The following RGS12 variants were observed in gnomAD, a reference collection of about 807,000 sequenced individuals.
RGS12 encodes regulator of G-protein signaling 12.
A neutral mutation model predicts 120.1 loss-of-function variants in RGS12; 66 were observed. That is an observed-to-expected ratio of 0.55 (90% CI 0.45 to 0.67). The LOEUF (loss-of-function observed/expected upper bound fraction) is 0.67, where lower values mean the gene tolerates loss of function less well. RGS12 is among the 30% of genes least tolerant of loss of function. The pLI is 0.00. For synonymous variants in RGS12, 827 were observed against 804.7 expected, an observed-to-expected ratio of 1.03 and a Z score of -0.47; for missense variants, 1,859 against 1,957.7, an observed-to-expected ratio of 0.95 and a Z score of 0.95.
At chr4:3,377,810 G>C (rs1189425858) in intron 3 of RGS12, among the ~76,000 whole-genome samples, 1 of 152,186 alleles carries the variant, frequency 6.6e-6, no homozygotes, top group Admixed American at 6.5e-5. Context: ...GAGGAGCAGA[G>C]GTTGTGTGGA....
chr4:3,350,694 AAC>A (rs201186060), intron 3 of RGS12, among the ~76,000 whole-genome samples: 2,770 of 152,112 alleles, frequency 0.018, 65 homozygotes, highest in African/African-American at 0.059. Flanking sequence ...AAAAACAAAA[AAC>A]AAAAAAAACA....
Position 3,389,270 on chromosome 4 carries a change from AG to A in RGS12, c.2020+2836del, listed in dbSNP as rs939173173. Among the ~76,000 whole-genome samples, 2 of 152,052 alleles carry A rather than the reference AG, an allele frequency of 1.3e-5. No homozygotes were observed. Among genetic ancestry groups the A allele is most frequent in the Non-Finnish European group, 2.9e-5 (2 of 67,998 alleles). Reference sequence around the variant, plus strand: ...TAGCCAAAGAGTGCCCTCGGGAAAAAGGGTTACAGCTGGTCTCTGGGGGGCA... The same window carrying A: ...TAGCCAAAGAGTGCCCTCGGGAAAAAGGTTACAGCTGGTCTCTGGGGGGCA... On this transcript the variant is annotated intron_variant, in intron 4 of 17. Transcript: ENST00000336727. The surrounding 1 kb of genome is among the most constrained non-coding windows in gnomAD (Gnocchi z 5.2).
Position 3,316,818 on chromosome 4 carries a change from T to C in RGS12, c.648T>C (p.His216=). 1.2e-6 allele frequency: 2 copies of C among 1,614,170 alleles called. No individual in the cohort carries two copies. Among genetic ancestry groups the C allele is most frequent in the African/African-American group, 1.3e-5 (1 of 75,060 alleles). Residue 216 remains histidine, a synonymous_variant, in exon 2 of 18, where the codon CAT becomes CAC. Coordinates refer to ENST00000336727, the MANE Select transcript of RGS12 (RefSeq NM_001394154.1). ...DSVFSIGLES[H]DDFALDASIL... The stretch of plus-strand genomic sequence containing the variant: ...TTTTCAGCATTGGACTAGAAAGTCA[T>C]GACGATTTTGCATTGGATGCAAGTA...
chr4:3,316,383 CGTGAAAAAA>C lies in RGS12; in HGVS notation c.215_223del (p.Val72_Lys74del). The C allele has an allele frequency of 6.2e-7, 1 of 1,613,802 alleles. No individual in the cohort carries two copies. The highest frequency in any genetic ancestry group is 8.5e-7 in the Non-Finnish European group (1 of 1,179,852). ...AGATACTTGCTGTCAATGAAATCAA[CGTGAAAAAA>C]GCATCTCATGAAGATGTAGTGAAAT... On this transcript the variant is annotated inframe_deletion, in exon 2 of 18. Transcript: ENST00000336727.
intron 4 of RGS12, among the ~76,000 whole-genome samples, chr4:3,392,566 T>C (rs1223883612): frequency 1.3e-5 from 2 of 152,242 alleles, no homozygotes; most frequent in Non-Finnish European, 2.9e-5. Context: ...GATATACAGC[T>C]CATTCCCTCC....
intron 4 of RGS12, among the ~76,000 whole-genome samples, chr4:3,401,620 T>A (rs1720595238): frequency 6.6e-6 from 1 of 152,156 alleles, no homozygotes; most frequent in Non-Finnish European, 1.5e-5. Context: ...TCTTGCCCAG[T>A]GAGGAAGGAG....
chr4:3,410,698 A>G (rs375810504), intron 4 of RGS12, among the ~76,000 whole-genome samples: 3 of 152,218 alleles, frequency 2.0e-5, no homozygotes, highest in African/African-American at 4.8e-5. Context: ...CTTCACTGCC[A>G]TCGTGATCTT....
chr4:3,394,824 C>T (rs947821789), intron 4 of RGS12, among the ~76,000 whole-genome samples: 1 of 152,018 alleles, frequency 6.6e-6, no homozygotes, highest in African/African-American at 2.4e-5. Flanking sequence ...GTCACCAGCT[C>T]CGGAAGGGAC....
intron 4 of RGS12, among the ~76,000 whole-genome samples, chr4:3,394,723 G>A (rs1310686772): frequency 6.6e-6 from 1 of 152,182 alleles, no homozygotes; most frequent in East Asian, 1.9e-4. Context: ...CAATTTGAGA[G>A]ATTTTCACAG....
rs1392864564 is a variant in RGS12, at chr4:3,306,807, C to CT, written c.-101-9261dup. ...GCTGGTGGGTGGGAACAACACAGCT[C>CT]TTGCCTTGTGAACCCGGCAAGTAGC... On this transcript the variant is annotated intron_variant, in intron 1 of 17. Transcript: ENST00000336727. Among the ~76,000 whole-genome samples, 3 of 152,044 alleles carry CT rather than the reference C, an allele frequency of 2.0e-5. No individual in the cohort carries two copies. In the East Asian group the frequency reaches 5.8e-4, roughly 30 times the overall value.
chr4:3,352,374 G>C (rs1230720196), intron 3 of RGS12, among the ~76,000 whole-genome samples: 1 of 152,150 alleles, frequency 6.6e-6, no homozygotes, highest in Non-Finnish European at 1.5e-5. Flanking sequence ...GCTCAGTTGA[G>C]TGCCTCATAC....
At chr4:3,294,968 C>T (rs1261778183) in intron 1 of RGS12, among the ~76,000 whole-genome samples, 1 of 152,056 alleles carries the variant, frequency 6.6e-6, no homozygotes, top group Non-Finnish European at 1.5e-5. Context: ...AGGGCATGTC[C>T]TGGGGAGGGT....
intron 1 of RGS12, 128 bp from the exon 2 acceptor site, chr4:3,315,942 A>G (rs1302615575): frequency 1.6e-5 from 7 of 441,256 alleles, no homozygotes; most frequent in East Asian, 6.9e-5. Flanking sequence ...TTTATTATCT[A>G]TAGACACTTA....
In RGS12 at chr4:3,417,366, C is replaced by T. The variant is rs16844311; in HGVS notation, c.2608-22C>T. Reference sequence around the variant, plus strand: ...TAAAATAACTTCACATTGTTTTAACCAAGGTTTCCATTTGATGACAGTTAA... The same window carrying T: ...TAAAATAACTTCACATTGTTTTAACTAAGGTTTCCATTTGATGACAGTTAA... On this transcript the variant is annotated intron_variant, in intron 8 of 17. Transcript: ENST00000336727. The T allele has an allele frequency of 2.4e-3, 3,692 of 1,553,290 alleles. 77 individuals carry two copies. In the Admixed American group the frequency reaches 0.028, roughly 12 times the overall value.
chr4:3,381,036 C>G (rs1718209417), intron 3 of RGS12, among the ~76,000 whole-genome samples: 1 of 152,210 alleles, frequency 6.6e-6, no homozygotes, highest in African/African-American at 2.4e-5. Context: ...TGCTTTGCTG[C>G]TTAGAAATTT....
rs1450349717 is a variant in RGS12 at position 3,366,454 on chromosome 4, GCA to G, written c.1999-19959_1999-19958del. The stretch of plus-strand genomic sequence containing the variant: ...TGTGAGCTCTGCAGATGTCTCCCGG[GCA>G]CAGTCAGCAGAGGCGCTCCTCCAGT... On this transcript the variant is annotated intron_variant, in intron 3 of 17. Transcript: ENST00000336727. The surrounding 1 kb of genome is among the most constrained non-coding windows in gnomAD (Gnocchi z 4.0). Among the ~76,000 whole-genome samples, 1 of 152,108 alleles carries G rather than the reference GCA, an allele frequency of 6.6e-6. No individual in the cohort carries two copies. Among genetic ancestry groups the G allele is most frequent in the Non-Finnish European group, 1.5e-5 (1 of 68,008 alleles).
At chr4:3,341,206 A>AGAG (rs1713061462) in intron 2 of RGS12, among the ~76,000 whole-genome samples, 1 of 62,326 alleles carries the variant, frequency 1.6e-5, no homozygotes, top group African/African-American at 6.7e-5. Context: ...GGGTGTGGGC[A>AGAG]GGGACAAGGG....
In RGS12 at chr4:3,374,144, C is replaced by T. The variant is rs1271538971; in HGVS notation, c.1999-12272C>T. On this transcript the variant is annotated intron_variant, in intron 3 of 17. Coordinates refer to ENST00000336727, the MANE Select transcript of RGS12 (RefSeq NM_001394154.1). The surrounding 1 kb of genome is among the most constrained non-coding windows in gnomAD (Gnocchi z 6.3). Reference sequence around the variant, plus strand: ...CGCAGGCATCCCTGTCTCCGTTGGGCGGATGTGGAGGCTGGTTGAGGTTCC... The same window carrying T: ...CGCAGGCATCCCTGTCTCCGTTGGGTGGATGTGGAGGCTGGTTGAGGTTCC... 6.6e-6 allele frequency among the ~76,000 whole-genome samples: 1 copy of T among 152,336 alleles called. No homozygotes were observed. Among genetic ancestry groups the T allele is most frequent in the Non-Finnish European group, 1.5e-5 (1 of 68,026 alleles).
intron 3 of RGS12, among the ~76,000 whole-genome samples, chr4:3,354,167 G>A (rs1036086945): frequency 2.0e-5 from 3 of 152,100 alleles, no homozygotes; most frequent in Non-Finnish European, 2.9e-5. Context: ...TACCCTTGCT[G>A]GCTGCCCAGC....
Sources: gnomAD v4.1 joint callset for allele counts (sites outside exome capture counted in the v4.1 genomes callset) on GRCh38, gnomAD v4.1.1 for gene constraint, Gnocchi (gnomAD v3.1) non-coding constraint, MANE v1.5 for transcripts, NCBI Gene and HGNC (gene_info 2026-07-23, HGNC 2026-07-21) for gene names.